Variants in SNX16 observed in about 807,000 individuals in gnomAD.
The protein encoded by SNX16 is sorting nexin 16.
Under a neutral mutation model 36.7 loss-of-function variants are expected in SNX16, and 35 were observed. That is an observed-to-expected ratio of 0.95 (90% CI 0.73 to 1.27). SNX16 has a LOEUF of 1.27. Ranked by LOEUF, SNX16 falls within the 50% of genes most tolerant of loss-of-function variation. SNX16 has a pLI of 0.00. For missense variants in SNX16, 367 were observed against 393.6 expected (o/e 0.93, Z 0.57); for synonymous variants, 134 against 132.0 (o/e 1.02, Z -0.10).
Position 81,803,166 on chromosome 8 carries a change from T to C in SNX16, c.744A>G (p.Gln248=). The C allele has an allele frequency of 6.2e-7, 1 of 1,612,346 alleles. No homozygotes were observed. The highest frequency in any genetic ancestry group is 8.5e-7 in the Non-Finnish European group (1 of 1,178,976). Residue 248 remains glutamine, a synonymous_variant, in exon 6 of 8, where the codon CAA becomes CAG. Transcript: ENST00000345957. ...YRLQKELLEK[Q]KEMESLKKLL... ...GTTTCTTTAGTGATTCCATCTCCTT[T>C]TGTTTTTCAAGTAGTTCTTTCTGTA... is the stretch of plus-strand genomic sequence containing the variant.
chr8:81,826,353 G>C (rs1811022093), intron 3 of SNX16, among the ~76,000 whole-genome samples: 1 of 152,128 alleles, frequency 6.6e-6, no homozygotes, highest in Non-Finnish European at 1.5e-5. Context: ...TTGACAATGA[G>C]TTGGTAAGGT....
intron 4 of SNX16, among the ~76,000 whole-genome samples, chr8:81,822,539 T>C (rs1810792641): frequency 6.6e-6 from 1 of 151,856 alleles, no homozygotes; most frequent in African/African-American, 2.4e-5. Context: ...TGAGAAAGCA[T>C]CTACAGTAAT....
chr8:81,822,996 C>CTA (rs377141855), intron 4 of SNX16, among the ~76,000 whole-genome samples: 87 of 125,296 alleles, frequency 6.9e-4, no homozygotes, highest in African/African-American at 2.2e-3. Flanking sequence ...GTGTGTATAT[C>CTA]TATATATATA....
At chr8:81,819,874 TA>T in intron 4 of SNX16, among the ~76,000 whole-genome samples, 1 of 152,206 alleles carries the variant, frequency 6.6e-6, no homozygotes, top group Middle Eastern at 3.4e-3. Flanking sequence ...TCTGCTTTGT[TA>T]AGAGTTGGAG....
chr8:81,824,075 T>TA, intron 3 of SNX16, 135 bp from the exon 4 acceptor site: 1 of 810,994 alleles, frequency 1.2e-6, no homozygotes, highest in East Asian at 2.8e-5. Context: ...TTAAGCTTTT[T>TA]ATGCCTTGTT....
Position 81,829,540 on chromosome 8 carries a change from C to T in SNX16, c.376-24G>A, listed in dbSNP as rs376053271. The T allele has an allele frequency of 3.9e-4, 405 of 1,046,892 alleles. 1 individual carries two copies. Among genetic ancestry groups the T allele is most frequent in the Middle Eastern group, 1.4e-3 (5 of 3,530 alleles). 64.9% of individuals were successfully genotyped at this position (1,046,892 alleles called of 1,614,324 possible). The stretch of plus-strand genomic sequence containing the variant: ...ACCTATGCACAGGAAGAAAAACAGA[C>T]GGAGAGAAAAATATAAAAGTAAAGA... On this transcript the variant is annotated intron_variant, in intron 2 of 7. Transcript: ENST00000345957.
chr8:81,807,472 T>G (rs1810010377), intron 5 of SNX16, among the ~76,000 whole-genome samples: 1 of 123,102 alleles, frequency 8.1e-6, no homozygotes, highest in Non-Finnish European at 1.6e-5. Flanking sequence ...TGAGCCAAGA[T>G]GGCGCCACTG....
intron 4 of SNX16, among the ~76,000 whole-genome samples, chr8:81,817,192 C>T (rs1242842378): frequency 6.6e-6 from 1 of 152,138 alleles, no homozygotes; most frequent in East Asian, 1.9e-4. Flanking sequence ...CAGTATATGA[C>T]AAATGTGAGA....
chr8:81,823,954 A>G lies in SNX16; in HGVS notation c.463-14T>C. The G allele has an allele frequency of 6.2e-7, 1 of 1,602,022 alleles. No homozygotes were observed. Among genetic ancestry groups the G allele is most frequent in the Non-Finnish European group, 8.5e-7 (1 of 1,175,956 alleles). On this transcript the variant is annotated splice_polypyrimidine_tract_variant and intron_variant, in intron 3 of 7. Coordinates refer to ENST00000345957, the MANE Select transcript of SNX16 (RefSeq NM_152836.3). The stretch of plus-strand genomic sequence containing the variant: ...CATCTCTTTTAACTGAAAAAGAAGA[A>G]AAGAGCAAATACAATGTTTAACTCA...
At chr8:81,823,723 GATTT>G (rs1810880606) in intron 4 of SNX16, 65 bp downstream of exon 4, 4 of 1,367,078 alleles carry the variant, frequency 2.9e-6, no homozygotes, top group Admixed American at 2.4e-5. Context: ...TATGATCATA[GATTT>G]ATTCTTTAAT....
Position 81,803,088 on chromosome 8 carries a change from A to G in SNX16, c.818+4T>C. 1.2e-6 allele frequency: 2 copies of G among 1,601,456 alleles called. No homozygotes were observed. The highest frequency in any genetic ancestry group is 1.7e-6 in the Non-Finnish European group (2 of 1,175,400). ...AGAGTAGAAATGCAAGTATCACAAC[A>G]CACCTGATTCTGTTCTCTAAAGTGT... is the stretch of plus-strand genomic sequence containing the variant. On this transcript the variant is annotated splice_donor_region_variant and intron_variant, in intron 6 of 7. Transcript: ENST00000345957.
intron 4 of SNX16, among the ~76,000 whole-genome samples, chr8:81,817,472 C>T (rs1810547415): frequency 6.6e-6 from 1 of 152,114 alleles, no homozygotes; most frequent in South Asian, 2.1e-4. Flanking sequence ...CTATGGCTCA[C>T]TAGAGTTCTA....
At chr8:81,813,359 T>A (rs968737553) in intron 5 of SNX16, among the ~76,000 whole-genome samples, 19 of 151,484 alleles carry the variant, frequency 1.3e-4, no homozygotes, top group Non-Finnish European at 2.2e-4. Context: ...GTCAACATAA[T>A]TAAACAAAAC....
intron 2 of SNX16, among the ~76,000 whole-genome samples, chr8:81,831,675 G>C (rs543833227): frequency 2.2e-5 from 3 of 138,396 alleles, no homozygotes; most frequent in African/African-American, 8.2e-5. Flanking sequence ...TCTAGCGAGT[G>C]ACAGAGTGAG....
At chr8:81,831,935 GAA>G (rs1811290460) in intron 2 of SNX16, among the ~76,000 whole-genome samples, 1 of 152,152 alleles carries the variant, frequency 6.6e-6, no homozygotes, top group South Asian at 2.1e-4. Context: ...ATGTTATGGA[GAA>G]AAGAGAGCAC....
chr8:81,812,969 A>C (rs530045792), intron 5 of SNX16, among the ~76,000 whole-genome samples: 1 of 152,162 alleles, frequency 6.6e-6, no homozygotes, highest in African/African-American at 2.4e-5. Flanking sequence ...AAAAAGTAAA[A>C]AATTCTACAG....
chr8:81,809,068 T>A lies in SNX16; in HGVS notation c.682-5840A>T, dbSNP rs529556238. ...TGATACTGAATAAATGTCTTTTTTTTAATGTGCTGTGTAAAGTTAGTCTAC... is the reference window on the plus strand; with the variant it reads ...TGATACTGAATAAATGTCTTTTTTTAAATGTGCTGTGTAAAGTTAGTCTAC... On this transcript the variant is annotated intron_variant, in intron 5 of 7. Transcript: ENST00000345957. Among the ~76,000 whole-genome samples, 11 of 152,296 alleles carry A rather than the reference T, an allele frequency of 7.2e-5. No individual in the cohort carries two copies. In the South Asian group the frequency reaches 8.3e-4, roughly 11 times the overall value.
At chr8:81,834,239 A>G (rs1173834299) in intron 2 of SNX16, among the ~76,000 whole-genome samples, 1 of 152,174 alleles carries the variant, frequency 6.6e-6, no homozygotes, top group Non-Finnish European at 1.5e-5. Flanking sequence ...CATGAGACTT[A>G]CCCACTATCA....
chr8:81,836,261 T>G (rs1028986686), intron 2 of SNX16, among the ~76,000 whole-genome samples: 1 of 152,216 alleles, frequency 6.6e-6, no homozygotes, highest in Admixed American at 6.5e-5. Context: ...CCTAATACTT[T>G]TTTCAGTTAT....
Sources: gnomAD v4.1 joint callset for allele counts (sites outside exome capture counted in the v4.1 genomes callset) on GRCh38, gnomAD v4.1.1 for gene constraint, MANE v1.5 for transcripts, NCBI Gene and HGNC (gene_info 2026-07-23, HGNC 2026-07-21) for gene names.